The following LARGE1 variants were observed in gnomAD, a reference collection of about 807,000 sequenced individuals.
LARGE1 encodes the protein LARGE xylosyl- and glucuronyltransferase 1.
In LARGE1, 43 loss-of-function variants were observed where a neutral mutation model predicts 87.6. That is an observed-to-expected ratio of 0.49 (90% CI 0.38 to 0.63). LARGE1 has a LOEUF of 0.63. Ranked by LOEUF, LARGE1 falls within the 30% of genes least tolerant of loss-of-function variation. The pLI, the probability that LARGE1 is intolerant of heterozygous loss-of-function variation, is 0.00. For synonymous variants in LARGE1, 434 were observed against 394.6 expected, an observed-to-expected ratio of 1.10 and a Z score of -1.18; for missense variants, 802 against 1,000.2, an observed-to-expected ratio of 0.80 and a Z score of 2.67.
At chr22:33,432,084 T>C in intron 7 of LARGE1, 77 bp downstream of exon 7, 1 of 1,201,836 alleles carries the variant, frequency 8.3e-7, no homozygotes, top group East Asian at 2.3e-5. Context: ...GCTTTTGCAA[T>C]CTCCTCTCCT....
chr22:33,202,109 A>G (rs1295150039), intron 11 of LARGE1, among the ~76,000 whole-genome samples: 1 of 151,832 alleles, frequency 6.6e-6, no homozygotes, highest in Non-Finnish European at 1.5e-5. Context: ...GCATGATAAA[A>G]AAAAAAAAAG....
chr22:33,740,133 G>A (rs1386101721), intron 2 of LARGE1, among the ~76,000 whole-genome samples: 1 of 152,134 alleles, frequency 6.6e-6, no homozygotes, highest in Admixed American at 6.5e-5. Flanking sequence ...TTCCTGGAGA[G>A]CCCAACAATG....
intron 11 of LARGE1, among the ~76,000 whole-genome samples, chr22:33,235,646 T>G (rs2145671035): frequency 6.6e-6 from 1 of 152,166 alleles, no homozygotes; most frequent in East Asian, 1.9e-4. Flanking sequence ...TTCCCCTACG[T>G]GTAGCCTCTC....
the LARGE1 span, among the ~76,000 whole-genome samples, chr22:33,120,370 C>CTTTT: frequency 2.4e-5 from 2 of 83,706 alleles, no homozygotes; most frequent in East Asian, 6.9e-4. Flanking sequence ...TTCTTTCTTT[C>CTTTT]TTTCTTTCTT....
At chr22:33,902,616 C>T (rs954593978) in intron 1 of LARGE1, among the ~76,000 whole-genome samples, 7 of 152,228 alleles carry the variant, frequency 4.6e-5, no homozygotes, top group African/African-American at 1.4e-4. Context: ...CTACATCAAA[C>T]TTAACCATCC....
intron 6 of LARGE1, among the ~76,000 whole-genome samples, chr22:33,560,915 C>T (rs1449704909): frequency 2.0e-5 from 3 of 151,952 alleles, no homozygotes; most frequent in East Asian, 1.9e-4. Context: ...CCCAGGTTCA[C>T]GCCATTCTCC....
At chr22:33,602,403 T>C (rs1179138788) in intron 5 of LARGE1, among the ~76,000 whole-genome samples, 2 of 152,148 alleles carry the variant, frequency 1.3e-5, no homozygotes, top group Non-Finnish European at 2.9e-5. Context: ...TTGTACCACA[T>C]GCCAGCTCTA....
intron 9 of LARGE1, among the ~76,000 whole-genome samples, chr22:33,348,716 G>GTT (rs550978060): frequency 7.0e-6 from 1 of 143,018 alleles, no homozygotes. Flanking sequence ...TTTGCTTTTT[G>GTT]TTTTTTTTTT....
chr22:33,884,963 A>G (rs1447312891), intron 1 of LARGE1, among the ~76,000 whole-genome samples: 2 of 152,250 alleles, frequency 1.3e-5, no homozygotes, highest in Non-Finnish European at 2.9e-5. Flanking sequence ...GGAATTAATA[A>G]AAGGGCAGGT....
chr22:33,456,822 T>C (rs1601922196), intron 6 of LARGE1, among the ~76,000 whole-genome samples: 1 of 152,174 alleles, frequency 6.6e-6, no homozygotes, highest in East Asian at 1.9e-4. Flanking sequence ...AATGTAGAAT[T>C]ATGTGCCAGG....
At chr22:33,603,573 T>G (rs190437952) in intron 5 of LARGE1, among the ~76,000 whole-genome samples, 7 of 152,222 alleles carry the variant, frequency 4.6e-5, no homozygotes, top group Admixed American at 1.3e-4. Context: ...AGTCCTGAAG[T>G]ACGAACAGGA....
chr22:33,131,088 A>T, the LARGE1 span, among the ~76,000 whole-genome samples: 1 of 150,690 alleles, frequency 6.6e-6, no homozygotes, highest in East Asian at 2.0e-4. Flanking sequence ...TTCATCTGTA[A>T]GTCATGATGC....
the LARGE1 span, among the ~76,000 whole-genome samples, chr22:33,110,234 T>C: frequency 6.6e-6 from 1 of 152,144 alleles, no homozygotes; most frequent in Non-Finnish European, 1.5e-5. Context: ...TCTGCAGGGG[T>C]GGGGCCTGAT....
chr22:33,777,075 G>A (rs867831612), intron 1 of LARGE1, among the ~76,000 whole-genome samples: 1 of 152,150 alleles, frequency 6.6e-6, no homozygotes, highest in Non-Finnish European at 1.5e-5. Context: ...AGGAAAAAAT[G>A]AGCTGAGCCA....
intron 6 of LARGE1, among the ~76,000 whole-genome samples, chr22:33,447,334 G>A (rs1428228186): frequency 6.6e-6 from 1 of 152,228 alleles, no homozygotes; most frequent in Non-Finnish European, 1.5e-5. Context: ...GCATGGAGAT[G>A]AGGGGAGAGG....
At chr22:33,519,897 T>C (rs1157713210) in intron 6 of LARGE1, among the ~76,000 whole-genome samples, 1 of 152,216 alleles carries the variant, frequency 6.6e-6, no homozygotes, top group East Asian at 1.9e-4. Flanking sequence ...TTAGTTTAAG[T>C]AGCATTTTCT....
chr22:33,211,755 AGAGT>A (rs976522441), intron 11 of LARGE1, among the ~76,000 whole-genome samples: 2 of 152,198 alleles, frequency 1.3e-5, no homozygotes, highest in African/African-American at 4.8e-5. Flanking sequence ...CCTGGGCAAC[AGAGT>A]GAGACTCTGT....
At chr22:33,693,362 T>C (rs6518836) in intron 2 of LARGE1, among the ~76,000 whole-genome samples, 73,179 of 149,820 alleles carry the variant, frequency 0.49, 18,625 homozygotes, top group Middle Eastern at 0.69. Flanking sequence ...TTCATTTTTA[T>C]AGCCAAAAAC....
chr22:33,844,283 G>C (rs770221649), intron 1 of LARGE1, among the ~76,000 whole-genome samples: 1 of 152,074 alleles, frequency 6.6e-6, no homozygotes, highest in Non-Finnish European at 1.5e-5. Context: ...CAACATACAG[G>C]CTTTCTAGCC....
Sources: gnomAD v4.1 joint callset for allele counts (sites outside exome capture counted in the v4.1 genomes callset) on GRCh38, gnomAD v4.1.1 for gene constraint, MANE v1.5 for transcripts, NCBI Gene and HGNC (gene_info 2026-07-23, HGNC 2026-07-21) for gene names.